The following LRRTM4 variants were observed in gnomAD, a reference collection of about 807,000 sequenced individuals.
LRRTM4 encodes leucine-rich repeat transmembrane neuronal protein 4.
A neutral mutation model predicts 47.6 loss-of-function variants in LRRTM4; 25 were observed. The observed-to-expected ratio is 0.53, with a 90% CI of 0.38 to 0.73. The LOEUF (loss-of-function observed/expected upper bound fraction) is 0.73, where lower values mean the gene tolerates loss of function less well. Among genes scored for constraint, LRRTM4 ranks in the 30% least tolerant of loss-of-function variants. LRRTM4 has a pLI of 0.00. For missense variants in LRRTM4, 638 were observed against 713.4 expected (o/e 0.89, Z 1.20); for synonymous variants, 311 against 269.5 (o/e 1.15, Z -1.51).
intron 3 of LRRTM4, among the ~76,000 whole-genome samples, chr2:76,785,792 G>C (rs1237699328): frequency 2.0e-5 from 3 of 152,028 alleles, no homozygotes; most frequent in African/African-American, 7.2e-5. Flanking sequence ...TTATAGCATG[G>C]CTTTAAGCCA....
intron 3 of LRRTM4, among the ~76,000 whole-genome samples, chr2:77,167,627 A>G (rs993506052): frequency 2.0e-4 from 30 of 152,212 alleles, no homozygotes; most frequent in African/African-American, 7.0e-4. Flanking sequence ...CAGCCATAAA[A>G]AATGATGAGT....
chr2:77,430,109 A>G (rs1304811934), intron 3 of LRRTM4, among the ~76,000 whole-genome samples: 1 of 152,176 alleles, frequency 6.6e-6, no homozygotes, highest in Non-Finnish European at 1.5e-5. Context: ...AACTAGAGTT[A>G]ATAATAATAT....
intron 3 of LRRTM4, among the ~76,000 whole-genome samples, chr2:77,340,761 T>A (rs533459415): frequency 6.6e-6 from 1 of 152,054 alleles, no homozygotes; most frequent in South Asian, 2.1e-4. Context: ...GATTTCAATA[T>A]TCTTTTCAGG....
Position 77,323,940 on chromosome 2 carries a change from A to G in LRRTM4, c.1551+194378T>C, listed in dbSNP as rs184368637. Among the ~76,000 whole-genome samples the G allele has an allele frequency of 1.6e-4, 24 of 152,286 alleles. No individual in the cohort carries two copies. The East Asian group carries it at 4.3e-3, about 27-fold the overall frequency. On this transcript the variant is annotated intron_variant, in intron 3 of 3. Transcript: ENST00000409884. ...GCTAACATGTATAAAAATTACCTGTATAATAGAAAATTACCTATATAATAA... is the reference window on the plus strand; with the variant it reads ...GCTAACATGTATAAAAATTACCTGTGTAATAGAAAATTACCTATATAATAA...
intron 3 of LRRTM4, among the ~76,000 whole-genome samples, chr2:77,334,291 G>T (rs909482682): frequency 1.1e-4 from 16 of 152,108 alleles, no homozygotes; most frequent in African/African-American, 3.4e-4. Flanking sequence ...TTTGAAATAT[G>T]AGGAAATGAG....
intron 3 of LRRTM4, among the ~76,000 whole-genome samples, chr2:77,178,508 C>T (rs4853305): frequency 0.44 from 66,425 of 151,840 alleles, 17,166 homozygotes; most frequent in Admixed American, 0.56. Context: ...ATCGCTTGAA[C>T]GCAGGAGGTG....
intron 3 of LRRTM4, among the ~76,000 whole-genome samples, chr2:77,121,766 G>A (rs940114848): frequency 2.6e-5 from 4 of 151,676 alleles, no homozygotes; most frequent in Admixed American, 2.6e-4. Flanking sequence ...CTACCATCTG[G>A]TAAAAACAAA....
chr2:77,364,139 A>C (rs1672348274), intron 3 of LRRTM4, among the ~76,000 whole-genome samples: 1 of 142,518 alleles, frequency 7.0e-6, no homozygotes, highest in Non-Finnish European at 1.6e-5. Flanking sequence ...CAAAAAAAAA[A>C]AAAACAAGTT....
chr2:77,074,683 G>T (rs771211923), intron 3 of LRRTM4, among the ~76,000 whole-genome samples: 113 of 152,038 alleles, frequency 7.4e-4, no homozygotes, highest in Admixed American at 9.8e-4. Context: ...ACAGAGAGAA[G>T]GAGAACTATT....
intron 3 of LRRTM4, among the ~76,000 whole-genome samples, chr2:77,375,834 TCTA>T (rs1351817951): frequency 1.3e-5 from 2 of 151,784 alleles, no homozygotes; most frequent in Admixed American, 1.3e-4. Context: ...TACTTAACCA[TCTA>T]CTGACATTTA....
intron 3 of LRRTM4, among the ~76,000 whole-genome samples, chr2:76,973,684 T>C (rs1426614778): frequency 3.3e-5 from 5 of 151,928 alleles, no homozygotes; most frequent in Non-Finnish European, 5.9e-5. Context: ...GAATAACCCA[T>C]TTACGTAATT....
intron 3 of LRRTM4, among the ~76,000 whole-genome samples, chr2:77,135,705 A>G (rs1671917416): frequency 6.6e-6 from 1 of 152,176 alleles, no homozygotes; most frequent in Non-Finnish European, 1.5e-5. Context: ...AAGGAAGTCT[A>G]CTGTTGTGAA....
intron 3 of LRRTM4, among the ~76,000 whole-genome samples, chr2:77,014,609 T>G (rs1160628418): frequency 6.6e-6 from 1 of 151,542 alleles, no homozygotes; most frequent in Non-Finnish European, 1.5e-5. Context: ...GTCAGGAGTT[T>G]GAGACCAGCC....
intron 3 of LRRTM4, among the ~76,000 whole-genome samples, chr2:76,797,391 A>G (rs1675397445): frequency 6.6e-6 from 1 of 152,100 alleles, no homozygotes; most frequent in African/African-American, 2.4e-5. Context: ...TGAGAAATGA[A>G]ATACTTTACA....
intron 3 of LRRTM4, among the ~76,000 whole-genome samples, chr2:77,138,799 C>T (rs1012715965): frequency 8.5e-5 from 13 of 152,080 alleles, no homozygotes; most frequent in African/African-American, 2.2e-4. Flanking sequence ...ATATCACCAC[C>T]GATCCCACAG....
chr2:77,070,414 A>G (rs1680113041), intron 3 of LRRTM4, among the ~76,000 whole-genome samples: 1 of 152,126 alleles, frequency 6.6e-6, no homozygotes. Context: ...CTCTCTATAT[A>G]TATATTTTAA....
chr2:76,801,991 T>C (rs918210681), intron 3 of LRRTM4, among the ~76,000 whole-genome samples: 18 of 152,142 alleles, frequency 1.2e-4, no homozygotes, highest in Non-Finnish European at 1.8e-4. Flanking sequence ...AAAGGCAGTA[T>C]ATGGCAACCC....
intron 3 of LRRTM4, among the ~76,000 whole-genome samples, chr2:76,899,105 A>G (rs1456217558): frequency 6.6e-6 from 1 of 152,050 alleles, no homozygotes; most frequent in East Asian, 1.9e-4. Context: ...TTACATCAAA[A>G]TGAATAATTG....
At chr2:76,915,811 T>A (rs995079758) in intron 3 of LRRTM4, among the ~76,000 whole-genome samples, 4 of 152,118 alleles carry the variant, frequency 2.6e-5, no homozygotes, top group Non-Finnish European at 5.9e-5. Context: ...GTGAAGAAAA[T>A]TATAAAATAC....
Sources: allele counts gnomAD v4.1 joint callset (sites outside exome capture counted in the v4.1 genomes callset), GRCh38; gene constraint gnomAD v4.1.1; transcripts MANE v1.5; gene names NCBI Gene and HGNC (gene_info 2026-07-23, HGNC 2026-07-21).